CDKL5: variants seen among roughly 807,000 people sequenced by gnomAD.
CDKL5 encodes cyclin dependent kinase like 5.
In CDKL5, 8 loss-of-function variants were observed where a neutral mutation model predicts 61.7. The ratio of observed to expected loss-of-function variants is 0.13; its 90% CI spans 0.08 to 0.23. The LOEUF (loss-of-function observed/expected upper bound fraction) is 0.23, where lower values mean the gene tolerates loss of function less well. Ranked by LOEUF, CDKL5 falls within the 10% of genes least tolerant of loss-of-function variation. The pLI is 1.00. For synonymous variants in CDKL5, 275 were observed against 272.3 expected (o/e 1.01, Z -0.10); for missense variants, 440 against 734.5 (o/e 0.60, Z 4.63).
In CDKL5 at chrX:18,603,480, A is replaced by G. The variant is rs776286357; in HGVS notation, c.978-422A>G. Among the ~76,000 whole-genome samples, 40 of 112,573 alleles carry G rather than the reference A, an allele frequency of 3.6e-4. 1 individual carries two copies. Among genetic ancestry groups the G allele is most frequent in the Non-Finnish European group, 6.9e-4 (37 of 53,355 alleles). On this transcript the variant is annotated intron_variant, in intron 11 of 17. Transcript: ENST00000623535. ...CAAATAAAAATGAAGTTCAAGAAACATAGTAACCTTTAAGTCTAAATGTTG... is the reference window on the plus strand; with the variant it reads ...CAAATAAAAATGAAGTTCAAGAAACGTAGTAACCTTTAAGTCTAAATGTTG...
Position 18,633,586 on chromosome X carries a change from CGATGAGTAAGAAACCATACAAGAAAAA to C in CDKL5, c.*4832_*4858del, listed in dbSNP as rs1328929785. The C allele has an allele frequency of 1.3e-6, 1 of 753,451 alleles. No individual in the cohort carries two copies. The highest frequency in any genetic ancestry group is 2.3e-5 in the African/African-American group (1 of 43,475). 62.1% of individuals were successfully genotyped at this position (753,451 alleles called of 1,213,427 possible). A position where few individuals can be genotyped will look rare whatever the true frequency, so the allele number is the denominator to read the frequency against. On this transcript the variant is annotated 3_prime_UTR_variant, in exon 18 of 18. Transcript: ENST00000623535. ...CTGATGAAAAATTCTGTCTCAGAAA[CGATGAGTAAGAAACCATACAAGAAAAA>C]GAAGTCCCTCATCTATCTGCATACA...
intron 1 of CDKL5, among the ~76,000 whole-genome samples, chrX:18,465,689 A>G: frequency 9.0e-6 from 1 of 111,483 alleles, no homozygotes; most frequent in East Asian, 2.8e-4. Context: ...ATAAATAAAT[A>G]AAATCAGCCT....
chrX:18,628,359 CCTTT>C lies in CDKL5; in HGVS notation c.2497-6_2497-3del, dbSNP rs2147178840. The C allele has an allele frequency of 1.7e-6, 2 of 1,209,465 alleles. No homozygotes were observed. The highest frequency in any genetic ancestry group is 1.1e-6 in the Non-Finnish European group (1 of 893,166). On this transcript the variant is annotated splice_region_variant and splice_polypyrimidine_tract_variant and intron_variant, in intron 17 of 17. Coordinates refer to ENST00000623535, the MANE Select transcript of CDKL5 (RefSeq NM_001323289.2). ...ACTTGAATCCTGTGTGCATTCTCAT[CCTTT>C]CTTTCAGAGCCAGCCATTAAAATCA...
At chrX:18,463,958 GT>G (rs1932345834) in intron 1 of CDKL5, among the ~76,000 whole-genome samples, 3 of 110,944 alleles carry the variant, frequency 2.7e-5, no homozygotes, top group South Asian at 7.5e-4. Context: ...CCATTTCTTA[GT>G]TTTGTGACAT....
Position 18,630,023 on chromosome X carries a change from T to A in CDKL5, c.*1266T>A. The stretch of plus-strand genomic sequence containing the variant: ...GACTCTTGGCTGATGGGGTGTGAGA[T>A]ATATGTGTGGCATTTCTATTTCTGA... On this transcript the variant is annotated 3_prime_UTR_variant, in exon 18 of 18. Transcript: ENST00000623535. 2.7e-6 allele frequency: 2 copies of A among 753,960 alleles called. No homozygotes were observed. The highest frequency in any genetic ancestry group is 3.1e-6 in the Non-Finnish European group (2 of 639,076). The allele number at this position is 753,960 out of a possible 1,213,427, so 62.1% of individuals were successfully genotyped here.
chrX:18,501,299 G>A (rs1021951815), intron 1 of CDKL5, among the ~76,000 whole-genome samples: 14 of 110,500 alleles, frequency 1.3e-4, no homozygotes, highest in Non-Finnish European at 1.9e-5. Context: ...TCAGTCTCCC[G>A]AGTAGCTGGG....
chrX:18,598,760 A>G (rs1926090915), intron 11 of CDKL5, 147 bp downstream of exon 11: 1 of 572,827 alleles, frequency 1.7e-6, no homozygotes, highest in Admixed American at 2.8e-5. Context: ...TGCATGATTC[A>G]GAACCACAAT....
chrX:18,480,287 T>A (rs1011319600), intron 1 of CDKL5, among the ~76,000 whole-genome samples: 26 of 111,732 alleles, frequency 2.3e-4, no homozygotes, highest in African/African-American at 7.2e-4. Context: ...TCAGTTGGGA[T>A]TTGTCTGATG....
intron 3 of CDKL5, among the ~76,000 whole-genome samples, chrX:18,560,573 GGT>G (rs1296822313): frequency 8.9e-6 from 1 of 111,806 alleles, no homozygotes; most frequent in African/African-American, 3.3e-5. Context: ...TGCTATTCTA[GGT>G]GCTGATGATG....
chrX:18,587,161 A>G, intron 8 of CDKL5, among the ~76,000 whole-genome samples: 1 of 110,889 alleles, frequency 9.0e-6, no homozygotes, highest in Middle Eastern at 4.6e-3. Flanking sequence ...GTGAGCGTGC[A>G]CGCGTGTGTG....
chrX:18,523,875 T>G (rs892783551), intron 3 of CDKL5, among the ~76,000 whole-genome samples: 2 of 111,980 alleles, frequency 1.8e-5, no homozygotes, highest in African/African-American at 6.5e-5. Context: ...CATTGTTGGG[T>G]CATATGGTAA....
intron 1 of CDKL5, among the ~76,000 whole-genome samples, chrX:18,470,370 GAAGAAAAGAAAAAA>G (rs1921047476): frequency 6.5e-5 from 4 of 61,168 alleles, no homozygotes; most frequent in Admixed American, 1.7e-4. Context: ...AAAAAAAAAA[GAAGAAAAGAAAAAA>G]AAAAAAAAGA....
At chrX:18,431,741 T>G (rs992473391) in intron 1 of CDKL5, among the ~76,000 whole-genome samples, 48 of 111,193 alleles carry the variant, frequency 4.3e-4, no homozygotes, top group Non-Finnish European at 7.4e-4. Flanking sequence ...GGAGGTGTAC[T>G]TTACATACCA....
chrX:18,585,186 G>A (rs1400850190), intron 8 of CDKL5, among the ~76,000 whole-genome samples: 2 of 111,287 alleles, frequency 1.8e-5, no homozygotes, highest in Non-Finnish European at 3.8e-5. Context: ...TTGAGCTCAG[G>A]AGTTCAAGAC....
chrX:18,633,788 G>GGTTT lies in CDKL5; in HGVS notation c.*5035_*5038dup, dbSNP rs758863897. 1.2e-3 allele frequency: 907 copies of GGTTT among 751,678 alleles called. 1 individual carries two copies. Among genetic ancestry groups the GGTTT allele is most frequent in the Non-Finnish European group, 1.3e-3 (860 of 638,873 alleles). 61.9% of individuals were successfully genotyped at this position (751,678 alleles called of 1,213,427 possible). On this transcript the variant is annotated 3_prime_UTR_variant, in exon 18 of 18. Transcript: ENST00000623535. ...TACATGAATCTTCATTTCCCACAGT[G>GGTTT]GTTTGTTCATTCATCAGCGTTAGGC...
At chrX:18,518,858 A>G (rs1183589254) in intron 3 of CDKL5, among the ~76,000 whole-genome samples, 2 of 110,384 alleles carry the variant, frequency 1.8e-5, no homozygotes, top group African/African-American at 6.6e-5. Context: ...ATTCATGTCA[A>G]TAATAAAGCG....
At chrX:18,442,113 G>C (rs1388560540) in intron 1 of CDKL5, 1 of 111,420 alleles carries the variant, frequency 9.0e-6, no homozygotes, top group Non-Finnish European at 1.9e-5. Context: ...AGATAGGGGA[G>C]AGTGATCTGA....
chrX:18,548,130 A>G (rs1173414927), intron 3 of CDKL5, among the ~76,000 whole-genome samples: 3 of 108,464 alleles, frequency 2.8e-5, no homozygotes. Flanking sequence ...AATGAGCTAG[A>G]AAGTTTTTTT....
chrX:18,601,049 A>G (rs1040232324), intron 11 of CDKL5, among the ~76,000 whole-genome samples: 3 of 111,898 alleles, frequency 2.7e-5, no homozygotes, highest in Non-Finnish European at 1.9e-5. Flanking sequence ...AAGACTTCTC[A>G]GGACCATTTT....
Sources: gnomAD v4.1 joint callset for allele counts (sites outside exome capture counted in the v4.1 genomes callset) on GRCh38, gnomAD v4.1.1 for gene constraint, MANE v1.5 for transcripts, NCBI Gene and HGNC (gene_info 2026-07-23, HGNC 2026-07-21) for gene names.